RIMS1: variants seen among roughly 807,000 people sequenced by gnomAD.
RIMS1 encodes the protein regulating synaptic membrane exocytosis protein 1.
A neutral mutation model predicts 214.1 loss-of-function variants in RIMS1; 83 were observed. The observed-to-expected ratio is 0.39, with a 90% CI of 0.32 to 0.47. RIMS1 has a LOEUF of 0.47. Among genes scored for constraint, RIMS1 ranks in the 20% least tolerant of loss-of-function variants. The pLI, the probability that RIMS1 is intolerant of heterozygous loss-of-function variation, is 0.99. For missense variants in RIMS1, 2,050 were observed against 2,161.8 expected (o/e 0.95, Z 1.03); for synonymous variants, 793 against 786.8 (o/e 1.01, Z -0.13).
intron 2 of RIMS1, among the ~76,000 whole-genome samples, chr6:72,015,913 G>A (rs957158222): frequency 8.5e-5 from 13 of 152,112 alleles, no homozygotes; most frequent in African/African-American, 2.4e-4. Context: ...GTGACAGAGC[G>A]AGACTCTGTC....
In RIMS1 at chr6:72,396,592, C is replaced by A. The variant is rs7745697; in HGVS notation, c.4619-1657C>A. Among the ~76,000 whole-genome samples the A allele has an allele frequency of 4.3e-3, 662 of 152,234 alleles. 3 individuals are homozygous for A. Among genetic ancestry groups the A allele is most frequent in the African/African-American group, 0.015 (638 of 41,520 alleles). On this transcript the variant is annotated intron_variant, in intron 31 of 33. Transcript: ENST00000521978. ...TTGGAGAGTAGATAAATAAATATGA[C>A]ATTCATGTAATGGAATATTATAGAG...
intron 1 of RIMS1, among the ~76,000 whole-genome samples, chr6:71,940,870 G>A (rs1029807703): frequency 6.6e-6 from 1 of 152,112 alleles, no homozygotes; most frequent in African/African-American, 2.4e-5. Context: ...AGACATGTTA[G>A]GGTTGTGAAA....
chr6:71,892,303 C>T (rs1770151214), intron 1 of RIMS1, among the ~76,000 whole-genome samples: 2 of 152,214 alleles, frequency 1.3e-5, no homozygotes, highest in African/African-American at 4.8e-5. Flanking sequence ...CACCCAGGCT[C>T]ACCTCTTGAA....
At chr6:71,905,893 C>T (rs898605852) in intron 1 of RIMS1, among the ~76,000 whole-genome samples, 6 of 152,116 alleles carry the variant, frequency 3.9e-5, no homozygotes, top group African/African-American at 1.4e-4. Context: ...AAAGAAATAT[C>T]TGATAACTAC....
In RIMS1 at chr6:72,158,358, T is replaced by A. The variant is rs187441803; in HGVS notation, c.472-21217T>A. On this transcript the variant is annotated intron_variant, in intron 4 of 33. Transcript: ENST00000521978. The stretch of plus-strand genomic sequence containing the variant: ...GAGAAGTTAGTTATCAATATTATGG[T>A]TACTCCTTTGAAAATAATGTGTCTT... Among the ~76,000 whole-genome samples, 425 of 141,092 alleles carry A rather than the reference T, an allele frequency of 3.0e-3. 29 individuals are homozygous for A. Among genetic ancestry groups the A allele is most frequent in the African/African-American group, 0.01 (415 of 40,770 alleles). The allele number at this position is 141,092 out of a possible 152,430, so 92.6% of individuals were successfully genotyped here.
chr6:72,385,485 T>C (rs1430443942), intron 29 of RIMS1, among the ~76,000 whole-genome samples: 1 of 150,784 alleles, frequency 6.6e-6, no homozygotes, highest in Non-Finnish European at 1.5e-5. Context: ...ATTGTTCTAT[T>C]TGCAAAATAA....
chr6:72,205,963 G>T (rs867430917), intron 6 of RIMS1, among the ~76,000 whole-genome samples: 3 of 151,984 alleles, frequency 2.0e-5, no homozygotes, highest in Admixed American at 2.0e-4. Flanking sequence ...TATACTATAT[G>T]GTATGTTTTT....
At chr6:72,324,464 T>G (rs994081668) in intron 28 of RIMS1, among the ~76,000 whole-genome samples, 1 of 151,650 alleles carries the variant, frequency 6.6e-6, no homozygotes, top group Non-Finnish European at 1.5e-5. Flanking sequence ...TGAAAAAATG[T>G]GGAATAATAA....
chr6:72,029,967 T>G (rs986517520), intron 2 of RIMS1, among the ~76,000 whole-genome samples: 1 of 152,164 alleles, frequency 6.6e-6, no homozygotes. Context: ...ACAAGATGCA[T>G]GTAGAGAACA....
At chr6:72,095,594 G>T (rs955329043) in intron 2 of RIMS1, among the ~76,000 whole-genome samples, 5 of 152,194 alleles carry the variant, frequency 3.3e-5, no homozygotes, top group African/African-American at 1.2e-4. Flanking sequence ...AATAGAAAAG[G>T]TGCCAACTGG....
intron 16 of RIMS1, among the ~76,000 whole-genome samples, chr6:72,255,080 G>C (rs1022145193): frequency 1.3e-5 from 2 of 152,022 alleles, no homozygotes; most frequent in Admixed American, 1.3e-4. Flanking sequence ...ACTCTTCATT[G>C]ATCCATTGTA....
intron 16 of RIMS1, among the ~76,000 whole-genome samples, chr6:72,253,947 C>T (rs1374999184): frequency 6.6e-6 from 1 of 152,074 alleles, no homozygotes. Flanking sequence ...CTCACTGCAC[C>T]CTCCACCTCC....
intron 29 of RIMS1, among the ~76,000 whole-genome samples, chr6:72,359,780 C>T (rs73538240): frequency 0.01 from 1,570 of 152,252 alleles, 22 homozygotes; most frequent in African/African-American, 0.036. Flanking sequence ...ACATAAATCA[C>T]AAAGTGCATC....
intron 4 of RIMS1, among the ~76,000 whole-genome samples, chr6:72,103,310 T>G (rs1325750699): frequency 6.6e-6 from 1 of 152,120 alleles, no homozygotes; most frequent in Admixed American, 6.6e-5. Context: ...AGCCTGTTTT[T>G]GAGATTTGCT....
chr6:72,290,789 G>C lies in RIMS1; in HGVS notation c.3665G>C (p.Ser1222Thr). The C allele has an allele frequency of 6.2e-7, 1 of 1,613,834 alleles. No individual in the cohort carries two copies. The highest frequency in any genetic ancestry group is 8.5e-7 in the Non-Finnish European group (1 of 1,179,808). ...CGCTCAAGGTCGAGTGAGCACTCTA[G>C]TATCAGAACACTGTGTTCTATGCAC... ...PARSRSSEHS[S>T]IRTLCSMHHL... The change falls in exon 25 of 34, where the codon AGT becomes ACT. Residue 1222 changes from serine to threonine, a missense_variant. By Grantham distance (58) the Ser-to-Thr change is moderately conservative (BLOSUM62 1). This residue lies in a region of RIMS1 where 889 missense variants were observed against 885.5 expected (regional missense o/e 1.00). Coordinates refer to ENST00000521978, the MANE Select transcript of RIMS1 (RefSeq NM_014989.7).
chr6:71,964,401 A>G (rs1220162196), intron 1 of RIMS1, among the ~76,000 whole-genome samples: 2 of 152,136 alleles, frequency 1.3e-5, no homozygotes, highest in Non-Finnish European at 2.9e-5. Context: ...TTGAGAATAG[A>G]CTCCAGGAGG....
chr6:72,197,514 G>A (rs1264332697), intron 6 of RIMS1, among the ~76,000 whole-genome samples: 1 of 152,036 alleles, frequency 6.6e-6, no homozygotes, highest in African/African-American at 2.4e-5. Flanking sequence ...CAAATATTCT[G>A]TGTAAAATAC....
chr6:71,887,331 G>A, intron 1 of RIMS1, 144 bp downstream of exon 1: 1 of 1,035,826 alleles, frequency 9.7e-7, no homozygotes, highest in Non-Finnish European at 1.4e-6. Flanking sequence ...CTTGGGCCAG[G>A]GGCGCGGGGC....
intron 2 of RIMS1, among the ~76,000 whole-genome samples, chr6:72,008,889 C>G (rs1206215876): frequency 6.6e-6 from 1 of 152,006 alleles, no homozygotes; most frequent in Non-Finnish European, 1.5e-5. Flanking sequence ...ACTTTAACAC[C>G]CCACTGTCAA....
Sources: allele counts gnomAD v4.1 joint callset (sites outside exome capture counted in the v4.1 genomes callset), GRCh38; gene constraint gnomAD v4.1.1; regional missense constraint gnomAD v4.1.1; transcripts MANE v1.5; gene names NCBI Gene and HGNC (gene_info 2026-07-23, HGNC 2026-07-21).